Variants in GRIP1 observed in about 807,000 individuals in gnomAD.
The protein encoded by GRIP1 is glutamate receptor-interacting protein 1.
GRIP1 carries 45 observed loss-of-function variants against 129.9 expected under a neutral mutation model. That is an observed-to-expected ratio of 0.35 (90% CI 0.27 to 0.44). The LOEUF is 0.44. GRIP1 is among the 20% of genes least tolerant of loss of function. GRIP1 has a pLI of 1.00. For synonymous variants in GRIP1, 530 were observed against 520.8 expected, an observed-to-expected ratio of 1.02 and a Z score of -0.24; for missense variants, 1,196 against 1,396.8, an observed-to-expected ratio of 0.86 and a Z score of 2.29.
intron 1 of GRIP1, among the ~76,000 whole-genome samples, chr12:67,025,544 T>C (rs562000045): frequency 2.0e-5 from 3 of 152,336 alleles, no homozygotes; most frequent in South Asian, 2.1e-4. Flanking sequence ...CATAGAAATA[T>C]GAGATAGAAT....
intron 3 of GRIP1, among the ~76,000 whole-genome samples, chr12:66,540,519 C>T (rs1000871459): frequency 2.6e-5 from 4 of 152,184 alleles, no homozygotes; most frequent in East Asian, 1.9e-4. Flanking sequence ...TGGAAAGATG[C>T]TTCTTAAAAG....
chr12:66,444,486 C>T lies in GRIP1; in HGVS notation c.1687+98G>A, dbSNP rs1011348861. The stretch of plus-strand genomic sequence containing the variant: ...CCAGCCTGGGCGACAGAGCGAGACT[C>T]CGTCTCAAAAAAAAAAAAAAAAAAA... On this transcript the variant is annotated intron_variant, in intron 13 of 24. Transcript: ENST00000359742. The T allele has an allele frequency of 3.1e-6, 3 of 975,030 alleles. No homozygotes were observed. In the Admixed American group the frequency reaches 6.4e-5, roughly 21 times the overall value. The allele number at this position is 975,030 out of a possible 1,614,324, so 60.4% of individuals were successfully genotyped here. A position where few individuals can be genotyped will look rare whatever the true frequency, so the allele number is the denominator to read the frequency against.
At chr12:66,592,077 G>A (rs150039312) in intron 2 of GRIP1, among the ~76,000 whole-genome samples, 47 of 152,178 alleles carry the variant, frequency 3.1e-4, no homozygotes, top group African/African-American at 1.1e-3. Flanking sequence ...CACAAATGAA[G>A]CATCTAATTA....
At chr12:66,623,627 T>C (rs1405799470) in intron 1 of GRIP1, among the ~76,000 whole-genome samples, 1 of 152,188 alleles carries the variant, frequency 6.6e-6, no homozygotes, top group African/African-American at 2.4e-5. Flanking sequence ...TAACTGGGGC[T>C]CACATACCAG....
intron 1 of GRIP1, among the ~76,000 whole-genome samples, chr12:67,021,445 T>G (rs932027209): frequency 6.6e-6 from 1 of 152,208 alleles, no homozygotes; most frequent in Admixed American, 6.5e-5. Flanking sequence ...TTGTATCATA[T>G]ATCAATAGTT....
intron 9 of GRIP1, among the ~76,000 whole-genome samples, chr12:66,459,386 A>G (rs539273824): frequency 2.6e-5 from 4 of 152,330 alleles, no homozygotes; most frequent in South Asian, 2.1e-4. Flanking sequence ...ACAACCACCG[A>G]CACTTTAGCG....
intron 1 of GRIP1, among the ~76,000 whole-genome samples, chr12:66,835,248 T>G (rs1192937361): frequency 6.6e-6 from 1 of 152,146 alleles, no homozygotes; most frequent in Non-Finnish European, 1.5e-5. Context: ...CAATATAGTA[T>G]AGCCATTCTG....
At chr12:66,499,889 A>G (rs2138759959) in intron 7 of GRIP1, among the ~76,000 whole-genome samples, 1 of 152,294 alleles carries the variant, frequency 6.6e-6, no homozygotes, top group South Asian at 2.1e-4. Context: ...GCACGCCTGT[A>G]GTCCCAGCTA....
At chr12:66,527,942 CTGAACATGTACCCCT>C (rs781115288) in intron 5 of GRIP1, among the ~76,000 whole-genome samples, 9 of 151,962 alleles carry the variant, frequency 5.9e-5, no homozygotes, top group Admixed American at 2.0e-4. Context: ...TGTAACAAAC[CTGAACATGTACCCCT>C]TGAACCTAAG....
chr12:66,979,731 G>A (rs950478195), intron 1 of GRIP1, among the ~76,000 whole-genome samples: 2 of 152,124 alleles, frequency 1.3e-5, no homozygotes, highest in African/African-American at 4.8e-5. Flanking sequence ...AACATGACAG[G>A]TGTCCTTAAA....
At chr12:66,373,592 C>T (rs371343059) in intron 22 of GRIP1, among the ~76,000 whole-genome samples, 55 of 152,330 alleles carry the variant, frequency 3.6e-4, no homozygotes, top group African/African-American at 1.1e-3. Context: ...ACACACACTA[C>T]TAACAAGATC....
At chr12:66,843,720 A>G (rs2039762515) in intron 1 of GRIP1, among the ~76,000 whole-genome samples, 2 of 152,196 alleles carry the variant, frequency 1.3e-5, no homozygotes, top group South Asian at 4.1e-4. Context: ...AAAACTTTTT[A>G]ACAAATAACA....
chr12:66,610,273 C>A lies in GRIP1; in HGVS notation c.56-13346G>T, dbSNP rs75785062. Among the ~76,000 whole-genome samples, 457 of 152,010 alleles carry A rather than the reference C, an allele frequency of 3.0e-3. 3 individuals are homozygous for A. Among genetic ancestry groups the A allele is most frequent in the African/African-American group, 0.01 (417 of 41,506 alleles). On this transcript the variant is annotated intron_variant, in intron 1 of 24. Transcript: ENST00000359742. ...ACACATATATACAGATACATAGATA[C>A]ACACATACACTTATATTCATATATA...
At chr12:66,411,665 G>A (rs1190350209) in intron 15 of GRIP1, among the ~76,000 whole-genome samples, 2 of 152,158 alleles carry the variant, frequency 1.3e-5, no homozygotes, top group African/African-American at 4.8e-5. Context: ...TTCAAAAGGT[G>A]GGTAATAATG....
chr12:66,990,316 T>G (rs1372902642), intron 1 of GRIP1, among the ~76,000 whole-genome samples: 1 of 152,242 alleles, frequency 6.6e-6, no homozygotes, highest in Non-Finnish European at 1.5e-5. Flanking sequence ...ATAAATAGTA[T>G]GGTTTGTTCA....
chr12:66,482,701 A>G (rs1278511800), intron 7 of GRIP1, among the ~76,000 whole-genome samples: 1 of 152,240 alleles, frequency 6.6e-6, no homozygotes, highest in Non-Finnish European at 1.5e-5. Flanking sequence ...GATGCATAGG[A>G]AAATAAAGGC....
intron 1 of GRIP1, among the ~76,000 whole-genome samples, chr12:66,944,981 C>T (rs765531040): frequency 1.3e-5 from 2 of 152,022 alleles, no homozygotes; most frequent in African/African-American, 4.8e-5. Flanking sequence ...TTAGTAGAGA[C>T]AGGGTTTTGT....
rs139644286 is a variant in GRIP1 at position 67,060,567 on chromosome 12, T to C, written c.58+8483A>G. The stretch of plus-strand genomic sequence containing the variant: ...CGGGTGTAGTGGCTCACATCTGTAA[T>C]CCCAGCACTTTGGGAAGCCAAGGCA... On this transcript the variant is annotated intron_variant, in intron 1 of 1. Coordinates refer to the GRIP1 transcript ENST00000643019. Among the ~76,000 whole-genome samples the C allele has an allele frequency of 7.9e-5, 12 of 151,722 alleles. 1 individual carries two copies. The East Asian group carries it at 2.3e-3, about 29-fold the overall frequency.
Position 66,371,856 on chromosome 12 carries a change from TCGCCCCAGCTGACTG to T in GRIP1, c.2835_2849del (p.Ser946_Arg950del). 6.2e-7 allele frequency: 1 copy of T among 1,613,780 alleles called. No individual in the cohort carries two copies. The highest frequency in any genetic ancestry group is 1.1e-5 in the South Asian group (1 of 91,072). ...TGCTGCGCTCCTGGAAGCTGGCCTG[TCGCCCCAGCTGACTG>T]CGAGGTGTTGGAGCCTCATGATTCA... On this transcript the variant is annotated inframe_deletion, in exon 23 of 25. Coordinates refer to ENST00000359742, the MANE Select transcript of GRIP1 (RefSeq NM_001366722.1).
Sources: gnomAD v4.1 joint callset for allele counts (sites outside exome capture counted in the v4.1 genomes callset) on GRCh38, gnomAD v4.1.1 for gene constraint, MANE v1.5 for transcripts, NCBI Gene and HGNC (gene_info 2026-07-23, HGNC 2026-07-21) for gene names.